AFF3: variants seen among roughly 807,000 people sequenced by gnomAD.
The protein encoded by AFF3 is ALF transcription elongation factor 3, also known as AF4/FMR2 family member 3.
A neutral mutation model predicts 129.7 loss-of-function variants in AFF3; 32 were observed. The ratio of observed to expected loss-of-function variants is 0.25; its 90% CI spans 0.19 to 0.33. The LOEUF is 0.33. AFF3 is among the 10% of genes least tolerant of loss of function. The probability of loss-of-function intolerance (pLI) is 1.00; values close to 1 mark genes in which losing one functional copy is unlikely to be tolerated. For synonymous variants in AFF3, 644 were observed against 635.4 expected (o/e 1.01, Z -0.20); for missense variants, 1,373 against 1,592.0 (o/e 0.86, Z 2.34).
At chr2:99,944,913 TA>T (rs1223350156) in intron 7 of AFF3, among the ~76,000 whole-genome samples, 1 of 152,198 alleles carries the variant, frequency 6.6e-6, no homozygotes, top group Non-Finnish European at 1.5e-5. Context: ...TTGGATTTTT[TA>T]AAAAACAGAC....
At chr2:100,129,422 A>G (rs1252987295) in intron 1 of AFF3, 116 bp from the exon 2 acceptor site, 5 of 85,946 alleles carry the variant, frequency 5.8e-5, no homozygotes, top group African/African-American at 1.8e-4. Context: ...GTGTGTATAC[A>G]TATTCATGTA....
chr2:99,750,378 T>C (rs1021619516), intron 9 of AFF3, among the ~76,000 whole-genome samples: 1 of 151,472 alleles, frequency 6.6e-6, no homozygotes, highest in Admixed American at 6.6e-5. Context: ...ATAATAATCA[T>C]TGGCAAAGAT....
At chr2:99,766,874 A>G (rs561678651) in intron 8 of AFF3, among the ~76,000 whole-genome samples, 1 of 152,368 alleles carries the variant, frequency 6.6e-6, no homozygotes, top group East Asian at 1.9e-4. Context: ...ATGTGTCTTT[A>G]AAGAGGGAGC....
chr2:99,921,526 C>G (rs1054565149), intron 7 of AFF3, among the ~76,000 whole-genome samples: 1 of 152,040 alleles, frequency 6.6e-6, no homozygotes, highest in Non-Finnish European at 1.5e-5. Flanking sequence ...AATAACTGTA[C>G]CATGGTCATG....
rs1474869867 is a variant in AFF3, at chr2:99,778,905, T to C, written c.922-26604A>G. 7.9e-3 allele frequency among the ~76,000 whole-genome samples: 918 copies of C among 116,250 alleles called. 7 individuals are homozygous for C. Among genetic ancestry groups the C allele is most frequent in the African/African-American group, 0.052 (778 of 14,820 alleles). The allele number at this position is 116,250 out of a possible 152,430, so 76.3% of individuals were successfully genotyped here. On this transcript the variant is annotated intron_variant, in intron 8 of 24. Transcript: ENST00000672756. ...GTGTGTGTGTGTGTGCGCGTGTGTG[T>C]GTGTGTGTGTGTGTGTGTGTGTGTG...
At chr2:99,784,398 G>A (rs370485360) in intron 8 of AFF3, among the ~76,000 whole-genome samples, 1 of 152,206 alleles carries the variant, frequency 6.6e-6, no homozygotes, top group Non-Finnish European at 1.5e-5. Flanking sequence ...ATATGATAGA[G>A]CACGGTAGTC....
At position 100,063,112 on chromosome 2, in the gene AFF3, G is replaced by A. The variant is rs559944115; in HGVS notation, c.53+41290C>T. On this transcript the variant is annotated intron_variant, in intron 4 of 24. Transcript: ENST00000672756. Reference sequence around the variant, plus strand: ...CTAAAAATACAAAAATTAGCCAGGCGTGGTGGCACTTGCCTGTAATCCCAG... The same window carrying A: ...CTAAAAATACAAAAATTAGCCAGGCATGGTGGCACTTGCCTGTAATCCCAG... Among the ~76,000 whole-genome samples, 12 of 152,118 alleles carry A rather than the reference G, an allele frequency of 7.9e-5. No individual in the cohort carries two copies. The East Asian group carries it at 1.4e-3, about 17-fold the overall frequency.
chr2:99,777,967 A>C (rs1269757213), intron 8 of AFF3, among the ~76,000 whole-genome samples: 14 of 151,808 alleles, frequency 9.2e-5, no homozygotes, highest in Non-Finnish European at 1.5e-4. Context: ...AAAAAAAAAA[A>C]AAAACAAAAT....
At chr2:99,751,968 T>C (rs560180330) in intron 9 of AFF3, among the ~76,000 whole-genome samples, 2 of 152,342 alleles carry the variant, frequency 1.3e-5, no homozygotes, top group South Asian at 4.1e-4. Context: ...ACTTCATGAA[T>C]GTTTTTTAGA....
intron 17 of AFF3, among the ~76,000 whole-genome samples, chr2:99,579,550 T>G (rs940060387): frequency 4.0e-5 from 6 of 151,582 alleles, no homozygotes; most frequent in African/African-American, 1.5e-4. Flanking sequence ...CAAAACCCTG[T>G]CTCTACTAAA....
At chr2:100,092,329 C>G (rs1689926424) in intron 4 of AFF3, among the ~76,000 whole-genome samples, 1 of 151,992 alleles carries the variant, frequency 6.6e-6, no homozygotes, top group Non-Finnish European at 1.5e-5. Flanking sequence ...CCCAACAGCT[C>G]TCTACTCCCT....
chr2:99,598,225 G>A (rs1462666918), intron 14 of AFF3, among the ~76,000 whole-genome samples: 1 of 152,104 alleles, frequency 6.6e-6, no homozygotes, highest in African/African-American at 2.4e-5. Flanking sequence ...TAGGTATCCA[G>A]GCTTTTTTAT....
chr2:99,903,631 T>C (rs2106157158), intron 7 of AFF3, among the ~76,000 whole-genome samples: 1 of 152,312 alleles, frequency 6.6e-6, no homozygotes, highest in Admixed American at 6.5e-5. Flanking sequence ...GATATGAATT[T>C]AATGAGATTT....
intron 7 of AFF3, among the ~76,000 whole-genome samples, chr2:99,844,048 A>C (rs753433341): frequency 2.0e-5 from 3 of 152,120 alleles, no homozygotes; most frequent in Non-Finnish European, 4.4e-5. Context: ...GAACAACAAC[A>C]ACCAAAAAGA....
chr2:99,750,712 T>C (rs1455816757), intron 9 of AFF3, among the ~76,000 whole-genome samples: 2 of 152,184 alleles, frequency 1.3e-5, no homozygotes, highest in African/African-American at 4.8e-5. Flanking sequence ...CCAACACGCC[T>C]GGCCAAAAGT....
At chr2:100,135,477 T>C (rs1692598987) in intron 1 of AFF3, among the ~76,000 whole-genome samples, 1 of 151,700 alleles carries the variant, frequency 6.6e-6, no homozygotes, top group Non-Finnish European at 1.5e-5. Flanking sequence ...GGCCATTCTG[T>C]GAGAAGCCCA....
At chr2:100,081,184 C>G (rs1689021319) in intron 4 of AFF3, among the ~76,000 whole-genome samples, 1 of 152,054 alleles carries the variant, frequency 6.6e-6, no homozygotes. Flanking sequence ...GACGGAAACC[C>G]TAAAATCCCT....
intron 11 of AFF3, among the ~76,000 whole-genome samples, chr2:99,682,944 T>A (rs2104569364): frequency 6.6e-6 from 1 of 152,370 alleles, no homozygotes; most frequent in East Asian, 1.9e-4. Flanking sequence ...GAGATTACTG[T>A]TAGCAGTTTT....
chr2:100,064,044 G>C (rs187153725), intron 4 of AFF3, among the ~76,000 whole-genome samples: 1 of 151,442 alleles, frequency 6.6e-6, no homozygotes, highest in Non-Finnish European at 1.5e-5. Flanking sequence ...AGCCGAGATC[G>C]TGCCACTGCA....
Sources: allele counts gnomAD v4.1 joint callset (sites outside exome capture counted in the v4.1 genomes callset), GRCh38; gene constraint gnomAD v4.1.1; transcripts MANE v1.5; gene names NCBI Gene and HGNC (gene_info 2026-07-23, HGNC 2026-07-21).